HIBCH: variants seen among roughly 807,000 people sequenced by gnomAD.
HIBCH encodes 3-hydroxyisobutyryl-CoA hydrolase, also known as 3-hydroxyisobutyryl-CoA hydrolase, mitochondrial.
HIBCH carries 50 observed loss-of-function variants against 58.2 expected under a neutral mutation model. The ratio of observed to expected loss-of-function variants is 0.86; its 90% confidence interval spans 0.68 to 1.09. The LOEUF (loss-of-function observed/expected upper bound fraction) is 1.09, where lower values mean the gene tolerates loss of function less well. Among genes scored for constraint, HIBCH ranks in the 50% least tolerant of loss-of-function variants. The pLI is 0.00. For missense variants in HIBCH, 450 were observed against 449.7 expected, an observed-to-expected ratio of 1.00 and a Z score of -0.01; for synonymous variants, 151 against 146.9, an observed-to-expected ratio of 1.03 and a Z score of -0.20.
downstream of HIBCH, chr2:190,203,342 G>C (rs1008777539): frequency 3.0e-5 from 5 of 167,000 alleles, no homozygotes; most frequent in Admixed American, 3.3e-4. Context: ...AGCACTACCT[G>C]CATCTTAATT....
chr2:190,305,008 C>T (rs1575762715), intron 2 of HIBCH, among the ~76,000 whole-genome samples: 1 of 152,046 alleles, frequency 6.6e-6, no homozygotes, highest in East Asian at 1.9e-4. Context: ...AATCTTTATT[C>T]CATTGGCAAA....
chr2:190,298,020 C>T (rs1688152054), intron 2 of HIBCH, among the ~76,000 whole-genome samples: 3 of 151,394 alleles, frequency 2.0e-5, no homozygotes, highest in South Asian at 2.1e-4. Flanking sequence ...GTTTTCTGTC[C>T]CTGTGTTAGT....
intron 11 of HIBCH, among the ~76,000 whole-genome samples, chr2:190,234,171 C>G (rs552053991): frequency 1.3e-5 from 2 of 152,258 alleles, no homozygotes; most frequent in African/African-American, 4.8e-5. Flanking sequence ...AACACCACCA[C>G]CACCACCAAA....
intron 11 of HIBCH, among the ~76,000 whole-genome samples, chr2:190,232,289 C>T (rs970926933): frequency 1.3e-5 from 2 of 152,052 alleles, no homozygotes; most frequent in South Asian, 4.2e-4. Flanking sequence ...CATCAAAAAA[C>T]ACCAAATATC....
chr2:190,262,995 C>T (rs1044309864), intron 6 of HIBCH, among the ~76,000 whole-genome samples: 4 of 152,144 alleles, frequency 2.6e-5, no homozygotes, highest in African/African-American at 7.2e-5. Flanking sequence ...TGAACCATTT[C>T]GAATGGGGTA....
intron 2 of HIBCH, among the ~76,000 whole-genome samples, chr2:190,309,891 G>A (rs538332675): frequency 1.3e-5 from 2 of 152,232 alleles, no homozygotes; most frequent in East Asian, 3.9e-4. Flanking sequence ...TGGATTGAAG[G>A]ATGAAAAGTA....
At chr2:190,285,724 G>C (rs1687812782) in intron 6 of HIBCH, among the ~76,000 whole-genome samples, 1 of 151,966 alleles carries the variant, frequency 6.6e-6, no homozygotes, top group South Asian at 2.1e-4. Flanking sequence ...TATTGTCACG[G>C]CTCAGGATAT....
chr2:190,247,016 T>C (rs1383371889), intron 9 of HIBCH, among the ~76,000 whole-genome samples: 1 of 151,702 alleles, frequency 6.6e-6, no homozygotes, highest in Non-Finnish European at 1.5e-5. Flanking sequence ...TTTTTTTTTT[T>C]AAACCTGTGC....
At chr2:190,253,854 T>C (rs291405) in intron 7 of HIBCH, among the ~76,000 whole-genome samples, 46,713 of 152,004 alleles carry the variant, frequency 0.31, 8,185 homozygotes, top group African/African-American at 0.46. Flanking sequence ...CACTCATTCC[T>C]GCCCCAGAGC....
intron 11 of HIBCH, among the ~76,000 whole-genome samples, chr2:190,237,950 C>T (rs765255147): frequency 4.0e-5 from 6 of 151,896 alleles, no homozygotes; most frequent in African/African-American, 7.3e-5. Context: ...ATTAGTTTGC[C>T]GAGAATGATG....
intron 6 of HIBCH, among the ~76,000 whole-genome samples, chr2:190,280,638 G>A (rs1325711120): frequency 1.6e-4 from 11 of 70,126 alleles, no homozygotes; most frequent in Non-Finnish European, 3.4e-5. Flanking sequence ...TTAGCAAGGG[G>A]GAAAATGCCT....
intron 1 of HIBCH, among the ~76,000 whole-genome samples, chr2:190,198,430 C>T (rs140792740): frequency 3.9e-5 from 6 of 152,080 alleles, no homozygotes; most frequent in Non-Finnish European, 7.4e-5. Flanking sequence ...CACTTGACCC[C>T]GGGAGTTCAA....
intron 5 of HIBCH, among the ~76,000 whole-genome samples, chr2:190,288,176 A>AAAAC (rs1687878701): frequency 6.6e-6 from 1 of 150,750 alleles, no homozygotes; most frequent in African/African-American, 2.4e-5. Context: ...TTTTTTTTTA[A>AAAAC]AAAAAGGAAG....
chr2:190,274,701 C>T (rs1687499851), intron 6 of HIBCH, among the ~76,000 whole-genome samples: 1 of 152,172 alleles, frequency 6.6e-6, no homozygotes, highest in South Asian at 2.1e-4. Context: ...GAAATAAAAA[C>T]TCTCCAAGAG....
At chr2:190,253,774 A>T (rs1289699575) in intron 7 of HIBCH, among the ~76,000 whole-genome samples, 1 of 151,970 alleles carries the variant, frequency 6.6e-6, no homozygotes, top group African/African-American at 2.4e-5. Context: ...CACTTTTTCC[A>T]CTACATCCCT....
At chr2:190,221,386 A>C (rs1207333699) in intron 11 of HIBCH, among the ~76,000 whole-genome samples, 2 of 152,232 alleles carry the variant, frequency 1.3e-5, no homozygotes, top group African/African-American at 4.8e-5. Flanking sequence ...GGTGCACTGA[A>C]ACCAGGCAAA....
intron 1 of HIBCH, among the ~76,000 whole-genome samples, chr2:190,312,528 A>G (rs1688587556): frequency 6.6e-6 from 1 of 152,244 alleles, no homozygotes; most frequent in African/African-American, 2.4e-5. Flanking sequence ...TATGAAGACC[A>G]ACAGCCTGAG....
chr2:190,229,983 T>C (rs973128889), intron 11 of HIBCH, among the ~76,000 whole-genome samples: 1 of 152,232 alleles, frequency 6.6e-6, no homozygotes, highest in Admixed American at 6.5e-5. Context: ...TTGGTTACTG[T>C]AGAGAGCTTG....
At chr2:190,265,148 A>G (rs930934448) in intron 6 of HIBCH, among the ~76,000 whole-genome samples, 1 of 148,906 alleles carries the variant, frequency 6.7e-6, no homozygotes, top group African/African-American at 2.5e-5. Context: ...AAAAAAAAAA[A>G]AAGTATTGAC....
Sources: gnomAD v4.1 joint callset for allele counts (sites outside exome capture counted in the v4.1 genomes callset) on GRCh38, gnomAD v4.1.1 for gene constraint, MANE v1.5 for transcripts, NCBI Gene and HGNC (gene_info 2026-07-23, HGNC 2026-07-21) for gene names.